The following FOXK1 variants were observed in gnomAD, a reference collection of about 807,000 sequenced individuals.
FOXK1 encodes the protein forkhead box K1.
Under a neutral mutation model 51.9 loss-of-function variants are expected in FOXK1, and 19 were observed. That is an observed-to-expected ratio of 0.37 (90% confidence interval 0.26 to 0.54). The LOEUF is 0.54. FOXK1 is among the 20% of genes least tolerant of loss of function. The probability of loss-of-function intolerance (pLI) is 0.87; values close to 1 mark genes in which losing one functional copy is unlikely to be tolerated. For synonymous variants in FOXK1, 537 were observed against 482.6 expected (o/e 1.11, Z -1.48); for missense variants, 870 against 1,032.7 (o/e 0.84, Z 2.16).
rs1032568052 is a variant in FOXK1, at chr7:4,755,487, C to T, written c.1050+104C>T. ...AAACAGAAGAGGGCCAGTGAGGGGG[C>T]TCACGCCTGGAACCCTAGCATTTTG... is the stretch of plus-strand genomic sequence containing the variant. On this transcript the variant is annotated intron_variant, in intron 4 of 8. Transcript: ENST00000328914. This position sits in a 1 kb window ranked among gnomAD's most constrained non-coding sequence, Gnocchi z 6.6. 6.8e-7 allele frequency: 1 copy of T among 1,468,758 alleles called. No individual in the cohort carries two copies. The highest frequency in any genetic ancestry group is 9.2e-7 in the Non-Finnish European group (1 of 1,087,200). 91.0% of individuals were successfully genotyped at this position (1,468,758 alleles called of 1,614,324 possible).
At chr7:4,689,267 T>TGCAC (rs1473106174) in intron 1 of FOXK1, among the ~76,000 whole-genome samples, 11 of 152,146 alleles carry the variant, frequency 7.2e-5, no homozygotes, top group Non-Finnish European at 1.6e-4. Flanking sequence ...TGTGAGCCAC[T>TGCAC]GCACCCGGCC....
At position 4,759,435 on chromosome 7, in the gene FOXK1, C is replaced by A; in HGVS notation, c.1536C>A (p.Ala512=). The stretch of plus-strand genomic sequence containing the variant: ...CCTCACAGCAGCCCGCGGGCCACGC[C>A]ATCCACGTCGTGCAGCAGGCCCCCA... ...IVTSQQPAGH[A]IHVVQQAPTV... The change falls in exon 7 of 9, where the codon GCC becomes GCA. Residue 512 remains alanine, a synonymous_variant. Transcript: ENST00000328914. 6.3e-7 allele frequency: 1 copy of A among 1,596,160 alleles called. No homozygotes were observed. The highest frequency in any genetic ancestry group is 1.3e-5 in the African/African-American group (1 of 74,844).
chr7:4,759,187 C>T lies in FOXK1; in HGVS notation c.1381C>T (p.Pro461Ser), dbSNP rs868350010. ...PEFGSKLASV[P>S]EYRYSQSAPG... The stretch of plus-strand genomic sequence containing the variant: ...GTTTGGGTCCAAGTTAGCTTCTGTC[C>T]CAGAGTACCGGTATTCCCAAAGCGC... Residue 461 changes from proline (P) to serine (S), a missense_variant, in exon 6 of 9, where the codon CCA becomes TCA. Around this residue, in one of 3 missense-constraint regions of FOXK1, gnomAD observed 457 missense variants for 510.8 expected, o/e 0.89. Coordinates refer to ENST00000328914, the MANE Select transcript of FOXK1 (RefSeq NM_001037165.2). 1 of 1,612,762 alleles carries T rather than the reference C, an allele frequency of 6.2e-7. No individual in the cohort carries two copies. The highest frequency in any genetic ancestry group is 8.5e-7 in the Non-Finnish European group (1 of 1,179,874).
At position 4,743,300 on chromosome 7, in the gene FOXK1, G is replaced by T. The variant is rs1780659262; in HGVS notation, c.746+2277G>T. Among the ~76,000 whole-genome samples, 2 of 152,184 alleles carry T rather than the reference G, an allele frequency of 1.3e-5. No homozygotes were observed. The highest frequency in any genetic ancestry group is 4.1e-4 in the South Asian group (2 of 4,832). ...GGGCGCGGTGGCTCACACTGGTAAT[G>T]CCAGCACTGTGGGAGGCCAAGGCGG... On this transcript the variant is annotated intron_variant, in intron 2 of 8. Coordinates refer to ENST00000328914, the MANE Select transcript of FOXK1 (RefSeq NM_001037165.2). This position sits in a 1 kb window ranked among gnomAD's most constrained non-coding sequence, Gnocchi z 5.3.
chr7:4,697,920 G>A (rs1349633410), intron 1 of FOXK1, among the ~76,000 whole-genome samples: 2 of 151,996 alleles, frequency 1.3e-5, no homozygotes, highest in African/African-American at 4.8e-5. Context: ...CACTTCCTGG[G>A]TTCAAGTGAT....
Position 4,682,531 on chromosome 7 carries a change from T to C in FOXK1, c.223T>C (p.Ser75Pro), listed in dbSNP as rs1357475985. ...IAGAGSSGGS[S>P]GVSGDSAVAG... Reference sequence around the variant, plus strand: ...GGGCGCGGGCTCCTCCGGGGGCTCCTCCGGGGTATCCGGGGACTCCGCGGT... The same window carrying C: ...GGGCGCGGGCTCCTCCGGGGGCTCCCCCGGGGTATCCGGGGACTCCGCGGT... The change falls in exon 1 of 9, where the codon TCC becomes CCC. Residue 75 changes from serine (S) to proline (P), a missense_variant. Coordinates refer to ENST00000328914, the MANE Select transcript of FOXK1 (RefSeq NM_001037165.2). This position sits in a 1 kb window ranked among gnomAD's most constrained non-coding sequence, Gnocchi z 7.6. The C allele has an allele frequency of 2.7e-6, 3 of 1,123,066 alleles. No individual in the cohort carries two copies. The highest frequency in any genetic ancestry group is 9.9e-5 in the East Asian group (2 of 20,108). The allele number at this position is 1,123,066 out of a possible 1,614,324, so 69.6% of individuals were successfully genotyped here. A position where few individuals can be genotyped will look rare whatever the true frequency, so the allele number is the denominator to read the frequency against.
rs1780543134 is a variant in FOXK1 at position 4,735,660 on chromosome 7, T to C, written c.561-5178T>C. Among the ~76,000 whole-genome samples, 3 of 152,142 alleles carry C rather than the reference T, an allele frequency of 2.0e-5. No homozygotes were observed. Among genetic ancestry groups the C allele is most frequent in the African/African-American group, 7.2e-5 (3 of 41,426 alleles). On this transcript the variant is annotated intron_variant, in intron 1 of 8. Coordinates refer to ENST00000328914, the MANE Select transcript of FOXK1 (RefSeq NM_001037165.2). The surrounding 1 kb of genome is among the most constrained non-coding windows in gnomAD (Gnocchi z 4.7). ...CGGGCTGGTGGACGGAGATTTCTAC[T>C]CTGTGGACACACTTAACCTTAGCGG...
intron 1 of FOXK1, among the ~76,000 whole-genome samples, chr7:4,698,255 C>T (rs1779977684): frequency 6.6e-6 from 1 of 151,642 alleles, no homozygotes; most frequent in South Asian, 2.1e-4. Context: ...CCATGTTTAG[C>T]GTTTTCTCTA....
At chr7:4,746,977 T>C (rs1194867583) in intron 2 of FOXK1, among the ~76,000 whole-genome samples, 4 of 152,022 alleles carry the variant, frequency 2.6e-5, no homozygotes, top group Non-Finnish European at 5.9e-5. Flanking sequence ...TTCCTCCACA[T>C]GGGAAGGTTG....
chr7:4,720,145 C>A (rs561749215), intron 1 of FOXK1, among the ~76,000 whole-genome samples: 1 of 152,312 alleles, frequency 6.6e-6, no homozygotes, highest in Admixed American at 6.5e-5. Flanking sequence ...TCCCTGGCTG[C>A]CTTGTTTCTG....
chr7:4,761,150 G>A lies in FOXK1; in HGVS notation c.1783G>A (p.Gly595Arg), dbSNP rs752595661. ...IQTVASQMAP[G>R]VPGHTVTILQ... ...GACGGTGGCCAGCCAGATGGCCCCC[G>A]GGGTCCCCGGACACACGGTCACCAT... Residue 595 changes from glycine to arginine, a missense_variant, in exon 8 of 9, where the codon GGG (glycine) becomes AGG (arginine). Transcript: ENST00000328914. The surrounding 1 kb of genome is among the most constrained non-coding windows in gnomAD (Gnocchi z 6.2). 2.9e-5 allele frequency: 47 copies of A among 1,612,616 alleles called. No individual in the cohort carries two copies. The Middle Eastern group carries it at 4.9e-4, about 17-fold the overall frequency.
chr7:4,695,047 G>A (rs1234514250), intron 1 of FOXK1, among the ~76,000 whole-genome samples: 1 of 152,202 alleles, frequency 6.6e-6, no homozygotes, highest in Non-Finnish European at 1.5e-5. Flanking sequence ...AGCTGATACT[G>A]CCAGACAACA....
At chr7:4,724,624 C>T (rs575885251) in intron 1 of FOXK1, among the ~76,000 whole-genome samples, 44 of 152,330 alleles carry the variant, frequency 2.9e-4, no homozygotes, top group African/African-American at 1.0e-3. Context: ...CTGCGTGGCT[C>T]CACGGCCCCC....
rs565822520 is a variant in FOXK1, at chr7:4,718,626, C to T, written c.561-22212C>T. Among the ~76,000 whole-genome samples, 74 of 152,304 alleles carry T rather than the reference C, an allele frequency of 4.9e-4. No homozygotes were observed. The South Asian group carries it at 0.015, about 31-fold the overall frequency. On this transcript the variant is annotated intron_variant, in intron 1 of 8. Coordinates refer to ENST00000328914, the MANE Select transcript of FOXK1 (RefSeq NM_001037165.2). Reference sequence around the variant, plus strand: ...AGGGTGAGTACCCGGGAGTGCAGTGCCTAAGGCCTGTCCTTGGCATAGGTT... The same window carrying T: ...AGGGTGAGTACCCGGGAGTGCAGTGTCTAAGGCCTGTCCTTGGCATAGGTT...
At chr7:4,727,904 C>T (rs1403278755) in intron 1 of FOXK1, among the ~76,000 whole-genome samples, 3 of 151,866 alleles carry the variant, frequency 2.0e-5, no homozygotes, top group South Asian at 2.1e-4. Context: ...ACCCGTCCTT[C>T]GGGAGGGGAG....
At chr7:4,719,140 G>T (rs78731393) in intron 1 of FOXK1, among the ~76,000 whole-genome samples, 9,098 of 80,196 alleles carry the variant, frequency 0.11, 947 homozygotes, top group African/African-American at 0.31. Flanking sequence ...TGTTTGTTTT[G>T]TTTGTTTGTT....
chr7:4,740,441 AT>A (rs1451222293), intron 1 of FOXK1, among the ~76,000 whole-genome samples: 5 of 141,118 alleles, frequency 3.5e-5, no homozygotes, highest in Non-Finnish European at 6.1e-5. Context: ...AAAAAAAAAA[AT>A]AAATAAAAAA....
chr7:4,682,587 G>C lies in FOXK1; in HGVS notation c.279G>C (p.Ala93=), dbSNP rs1379388995. ...GCGCGGCGCCGGCCCTGGTGGCCGC[G>C]GCGGCCGCCTCGGTACGGCAGAGCC... ...VAGAAPALVA[A]AAASVRQSPG... is the part of the protein sequence containing the mutation. Residue 93 remains alanine, a synonymous_variant, in exon 1 of 9, where the codon GCG becomes GCC. Transcript: ENST00000328914. This position sits in a 1 kb window ranked among gnomAD's most constrained non-coding sequence, Gnocchi z 7.6. The C allele has an allele frequency of 7.9e-7, 1 of 1,258,894 alleles. No homozygotes were observed. The highest frequency in any genetic ancestry group is 3.2e-5 in the East Asian group (1 of 30,970). 78.0% of individuals were successfully genotyped at this position (1,258,894 alleles called of 1,614,324 possible). A position where few individuals can be genotyped will look rare whatever the true frequency, so the allele number is the denominator to read the frequency against.
Position 4,771,295 on chromosome 7 carries a change from CAA to C in FOXK1, c.*8833_*8834del, listed in dbSNP as rs2115086731. On this transcript the variant is annotated 3_prime_UTR_variant, in exon 9 of 9. Transcript: ENST00000328914. ...AGACGTTAATGTTTTAAAGCTATAACAAAGTTTAAAATTTCTACTTTTTGTTT... is the reference window on the plus strand; with the variant it reads ...AGACGTTAATGTTTTAAAGCTATAACAGTTTAAAATTTCTACTTTTTGTTT... 6.5e-6 allele frequency: 1 copy of C among 152,694 alleles called. No individual in the cohort carries two copies. Among genetic ancestry groups the C allele is most frequent in the East Asian group, 1.9e-4 (1 of 5,190 alleles). The allele number at this position is 152,694 out of a possible 1,614,324, so 9.5% of individuals were successfully genotyped here. A position where few individuals can be genotyped will look rare whatever the true frequency, so the allele number is the denominator to read the frequency against.
Sources: gnomAD v4.1 joint callset for allele counts (sites outside exome capture counted in the v4.1 genomes callset) on GRCh38, gnomAD v4.1.1 for gene constraint, gnomAD v4.1.1 regional missense constraint, Gnocchi (gnomAD v3.1) non-coding constraint, MANE v1.5 for transcripts, NCBI Gene and HGNC (gene_info 2026-07-23, HGNC 2026-07-21) for gene names.